HOOK3: variants seen among roughly 807,000 people sequenced by gnomAD.
HOOK3 encodes protein Hook homolog 3.
In HOOK3, 24 loss-of-function variants were observed where a neutral mutation model predicts 116.3. That is an observed-to-expected ratio of 0.21 (90% CI 0.15 to 0.29). The LOEUF is 0.29. HOOK3 is among the 10% of genes least tolerant of loss of function. The pLI is 1.00. For synonymous variants in HOOK3, 275 were observed against 283.0 expected (o/e 0.97, Z 0.28); for missense variants, 632 against 830.2 (o/e 0.76, Z 2.93).
intron 5 of HOOK3, 47 bp from the exon 6 acceptor site, chr8:42,950,340 AC>A: frequency 8.1e-7 from 1 of 1,230,656 alleles, no homozygotes; most frequent in Non-Finnish European, 1.2e-6. Flanking sequence ...GATTCCCTTG[AC>A]CATCTTTAAC....
At chr8:42,933,422 C>T (rs958620357) in intron 4 of HOOK3, among the ~76,000 whole-genome samples, 1 of 152,140 alleles carries the variant, frequency 6.6e-6, no homozygotes, top group Non-Finnish European at 1.5e-5. Context: ...GTGTAAATAA[C>T]CCAGTGGGGC....
At chr8:42,945,930 C>A (rs962538703) in intron 5 of HOOK3, among the ~76,000 whole-genome samples, 81 of 152,078 alleles carry the variant, frequency 5.3e-4, no homozygotes, top group African/African-American at 1.8e-3. Flanking sequence ...TAATTAATAT[C>A]TTTTTTATAG....
chr8:42,964,533 TAA>T, intron 9 of HOOK3, 59 bp downstream of exon 9: 1 of 1,517,674 alleles, frequency 6.6e-7, no homozygotes, highest in Non-Finnish European at 9.0e-7. Context: ...CATTTAAAGT[TAA>T]GAGTATATTG....
intron 19 of HOOK3, among the ~76,000 whole-genome samples, chr8:43,012,162 A>G (rs1809625905): frequency 6.6e-6 from 1 of 152,258 alleles, no homozygotes; most frequent in Non-Finnish European, 1.5e-5. Flanking sequence ...ATGTCATTTA[A>G]TAACAGGGAC....
rs993467506 is a variant in HOOK3, at chr8:43,025,478, A to G, written c.*6980A>G. On this transcript the variant is annotated 3_prime_UTR_variant, in exon 22 of 22. Coordinates refer to ENST00000307602, the MANE Select transcript of HOOK3 (RefSeq NM_032410.4). ...TTATCTAAACAGATGTTCCCAAAGC[A>G]ATAGTTTGCCTAAAATCCTCTGTAT... 4 of 213,954 alleles carry G rather than the reference A, an allele frequency of 1.9e-5. No individual in the cohort carries two copies. The highest frequency in any genetic ancestry group is 3.7e-4 in the South Asian group (2 of 5,364). The allele number at this position is 213,954 out of a possible 1,614,324, so 13.3% of individuals were successfully genotyped here. A position where few individuals can be genotyped will look rare whatever the true frequency, so the allele number is the denominator to read the frequency against.
chr8:42,935,991 A>G (rs1337444427), intron 4 of HOOK3, among the ~76,000 whole-genome samples: 1 of 152,154 alleles, frequency 6.6e-6, no homozygotes, highest in Non-Finnish European at 1.5e-5. Context: ...CAGGATGGCC[A>G]TTTTCACGAC....
In HOOK3 at chr8:42,922,259, T is replaced by A. The variant is rs183288948; in HGVS notation, c.144-3298T>A. ...TGAACCTCATCAAAATTTAAAACTT[T>A]GACCTGGTATGGTGGCTCATGCCTG... On this transcript the variant is annotated intron_variant, in intron 2 of 21. Transcript: ENST00000307602. Among the ~76,000 whole-genome samples, 42 of 152,224 alleles carry A rather than the reference T, an allele frequency of 2.8e-4. No individual in the cohort carries two copies. In the East Asian group the frequency reaches 6.8e-3, roughly 24 times the overall value.
rs370071322 is a variant in HOOK3, at chr8:43,021,793, T to C, written c.*3295T>C. The C allele has an allele frequency of 6.2e-4, 98 of 157,008 alleles. No individual in the cohort carries two copies. The East Asian group carries it at 0.014, about 22-fold the overall frequency. The allele number at this position is 157,008 out of a possible 1,614,324, so 9.7% of individuals were successfully genotyped here. The stretch of plus-strand genomic sequence containing the variant: ...ACGCCATTCTCCTGCCTCAGCCTCC[T>C]GAGTAGCGGGGACTACAGGCGCCCG... On this transcript the variant is annotated 3_prime_UTR_variant, in exon 22 of 22. Transcript: ENST00000307602.
chr8:42,964,945 G>C (rs1179142286), intron 9 of HOOK3, among the ~76,000 whole-genome samples: 3 of 152,204 alleles, frequency 2.0e-5, no homozygotes, highest in Admixed American at 6.5e-5. Flanking sequence ...TTCACGTCTA[G>C]GAAGTGTTCT....
chr8:42,982,689 G>C lies in HOOK3; in HGVS notation c.1384G>C (p.Glu462Gln), dbSNP rs775810802. The change falls in exon 14 of 22, where the codon GAA becomes CAA. Residue 462 changes from glutamate (E) to glutamine (Q), a missense_variant. By Grantham distance (29) the Glu-to-Gln change is conservative (BLOSUM62 2). Transcript: ENST00000307602. ...DSLAAEIVTP[E>Q]IREKLIRLQH... is the part of the protein sequence containing the mutation. ...TCTAGCTGCAGAGATTGTTACACCT[G>C]AAATCAGGTAAGGAGATTGTGGTGT... 1 of 1,609,386 alleles carries C rather than the reference G, an allele frequency of 6.2e-7. No individual in the cohort carries two copies. The highest frequency in any genetic ancestry group is 8.5e-7 in the Non-Finnish European group (1 of 1,175,896).
chr8:42,987,357 C>G (rs1809066998), intron 15 of HOOK3, among the ~76,000 whole-genome samples: 1 of 152,148 alleles, frequency 6.6e-6, no homozygotes, highest in Non-Finnish European at 1.5e-5. Flanking sequence ...GATACCAGAG[C>G]TCTACCATTT....
chr8:42,916,530 T>C (rs760630065), intron 2 of HOOK3, among the ~76,000 whole-genome samples: 1 of 152,210 alleles, frequency 6.6e-6, no homozygotes, highest in Non-Finnish European at 1.5e-5. Context: ...TTTTAAATTA[T>C]AAGACCCAGA....
In HOOK3 at chr8:42,947,060, C is replaced by T. The variant is rs544679793; in HGVS notation, c.401-3328C>T. On this transcript the variant is annotated intron_variant, in intron 5 of 21. Transcript: ENST00000307602. Reference sequence around the variant, plus strand: ...CTGGGATTACAGGCATGAGCCACTGCGCCTGGCCACCATTTTCTTATAGGT... The same window carrying T: ...CTGGGATTACAGGCATGAGCCACTGTGCCTGGCCACCATTTTCTTATAGGT... Among the ~76,000 whole-genome samples, 8 of 152,230 alleles carry T rather than the reference C, an allele frequency of 5.3e-5. No homozygotes were observed. In the South Asian group the frequency reaches 1.2e-3, roughly 24 times the overall value.
chr8:42,902,360 C>T (rs1384569741), intron 1 of HOOK3, among the ~76,000 whole-genome samples: 3 of 151,680 alleles, frequency 2.0e-5, no homozygotes, highest in Admixed American at 6.6e-5. Flanking sequence ...CAGTCCCGAC[C>T]CCCCAGGCTC....
Position 42,939,527 on chromosome 8 carries a change from T to TA in HOOK3, c.268-3786_268-3785insA, listed in dbSNP as rs576073943. Among the ~76,000 whole-genome samples, 76 of 103,452 alleles carry TA rather than the reference T, an allele frequency of 7.3e-4. 1 individual carries two copies. In the South Asian group the frequency reaches 0.026, roughly 35 times the overall value. 67.9% of individuals were successfully genotyped at this position (103,452 alleles called of 152,430 possible). A position where few individuals can be genotyped will look rare whatever the true frequency, so the allele number is the denominator to read the frequency against. On this transcript the variant is annotated intron_variant, in intron 4 of 21. Transcript: ENST00000307602. ...GGCGGCTGGCCGGGCGGGGGGCTGATCCCCCCACCTCCCTCCCGGACAGGG... is the reference window on the plus strand; with the variant it reads ...GGCGGCTGGCCGGGCGGGGGGCTGATACCCCCCACCTCCCTCCCGGACAGGG...
intron 17 of HOOK3, among the ~76,000 whole-genome samples, chr8:43,005,059 A>G (rs1461832632): frequency 1.3e-5 from 2 of 151,348 alleles, no homozygotes; most frequent in Non-Finnish European, 2.9e-5. Context: ...GAAATGTGAA[A>G]TAAACCATGG....
intron 1 of HOOK3, among the ~76,000 whole-genome samples, chr8:42,902,386 C>T (rs913352707): frequency 2.0e-5 from 3 of 151,884 alleles, no homozygotes; most frequent in Admixed American, 1.3e-4. Flanking sequence ...ATCCTCCCAC[C>T]TCCGCCTCCT....
chr8:43,006,091 GC>G (rs1348150955), intron 17 of HOOK3, among the ~76,000 whole-genome samples: 2 of 151,522 alleles, frequency 1.3e-5, no homozygotes, highest in Non-Finnish European at 2.9e-5. Flanking sequence ...TGTGATCTCG[GC>G]TCACTGCAAG....
At chr8:43,012,775 A>C (rs190038688) in intron 19 of HOOK3, among the ~76,000 whole-genome samples, 114 of 151,482 alleles carry the variant, frequency 7.5e-4, no homozygotes, top group African/African-American at 2.3e-3. Context: ...AATTTTTTAA[A>C]CACTTTTTGT....
Sources: allele counts gnomAD v4.1 joint callset (sites outside exome capture counted in the v4.1 genomes callset), GRCh38; gene constraint gnomAD v4.1.1; transcripts MANE v1.5; gene names NCBI Gene and HGNC (gene_info 2026-07-23, HGNC 2026-07-21).